Variants in EPS15L1 observed in about 807,000 individuals in gnomAD.
EPS15L1 encodes the protein epidermal growth factor receptor pathway substrate 15 like 1.
EPS15L1 carries 43 observed loss-of-function variants against 117.1 expected under a neutral mutation model. That is an observed-to-expected ratio of 0.37 (90% CI 0.29 to 0.47). The LOEUF (loss-of-function observed/expected upper bound fraction) is 0.47. Ranked by LOEUF, EPS15L1 falls within the 20% of genes least tolerant of loss-of-function variation. The pLI, the probability that EPS15L1 is intolerant of heterozygous loss-of-function variation, is 0.99. For missense variants in EPS15L1, 981 were observed against 1,164.0 expected (o/e 0.84, Z 2.29); for synonymous variants, 459 against 470.5 (o/e 0.98, Z 0.32).
At chr19:16,364,441 C>T (rs2092104563) in intron 22 of EPS15L1, among the ~76,000 whole-genome samples, 1 of 152,196 alleles carries the variant, frequency 6.6e-6, no homozygotes, top group Non-Finnish European at 1.5e-5. Context: ...GTCCCTCCCA[C>T]CTTCAGCTCT....
intron 1 of EPS15L1, among the ~76,000 whole-genome samples, chr19:16,466,620 G>C (rs1189260809): frequency 6.6e-6 from 1 of 152,110 alleles, no homozygotes. Flanking sequence ...GCAGGCATGA[G>C]GGCCAGGCGC....
chr19:16,362,511 CTTTTTT>C (rs71178690), intron 22 of EPS15L1, among the ~76,000 whole-genome samples: 10 of 56,068 alleles, frequency 1.8e-4, no homozygotes, highest in African/African-American at 5.3e-4. Context: ...GGTTTAAGTT[CTTTTTT>C]TTTTTTTTTT....
Position 16,428,208 on chromosome 19 carries a change from A to AAAAG in EPS15L1, c.558+490_558+493dup, listed in dbSNP as rs575991675. Among the ~76,000 whole-genome samples, 646 of 149,126 alleles carry AAAAG rather than the reference A, an allele frequency of 4.3e-3. 3 individuals carry two copies. The highest frequency in any genetic ancestry group is 0.013 in the African/African-American group (545 of 40,432). On this transcript the variant is annotated intron_variant, in intron 8 of 23. Transcript: ENST00000455140. Reference sequence around the variant, plus strand: ...AGAGCAAGACTCCGTATCAAAAAAAAAAAGAAAGAAAGAAAGAAAGAAGGC... The same window carrying AAAAG: ...AGAGCAAGACTCCGTATCAAAAAAAAAAAGAAAGAAAGAAAGAAAGAAAGAAGGC...
chr19:16,421,413 T>C lies in EPS15L1; in HGVS notation c.856A>G (p.Thr286Ala). The change falls in exon 10 of 24, where the codon ACC (threonine) becomes GCC (alanine). Residue 286 changes from threonine (T) to alanine (A), a missense_variant. By Grantham distance (58) the Thr-to-Ala change is moderately conservative (BLOSUM62 0). Coordinates refer to ENST00000455140, the MANE Select transcript of EPS15L1 (RefSeq NM_001258374.3). ...KMRFDEIFLK[T>A]DLDLDGYVSG... ...ACGTAGCCATCCAGGTCCAGGTCGG[T>C]CTTCAGGAATATCTCATCAAATCGC... 6.2e-7 allele frequency: 1 copy of C among 1,614,106 alleles called. No homozygotes were observed. The highest frequency in any genetic ancestry group is 8.5e-7 in the Non-Finnish European group (1 of 1,179,976).
chr19:16,369,995 G>A (rs1290340452), intron 22 of EPS15L1, among the ~76,000 whole-genome samples: 2 of 152,136 alleles, frequency 1.3e-5, no homozygotes, highest in Admixed American at 6.5e-5. Context: ...TGCCAATGTC[G>A]CAGACGCCAC....
intron 1 of EPS15L1, among the ~76,000 whole-genome samples, chr19:16,466,955 G>T (rs1354127546): frequency 6.6e-6 from 1 of 151,724 alleles, no homozygotes; most frequent in African/African-American, 2.4e-5. Flanking sequence ...ACACGGCAGG[G>T]TCCTGACACT....
At chr19:16,391,684 C>A (rs1329175559) in intron 19 of EPS15L1, among the ~76,000 whole-genome samples, 1 of 149,504 alleles carries the variant, frequency 6.7e-6, no homozygotes, top group Non-Finnish European at 1.5e-5. Context: ...ATCTCTTGGG[C>A]ATAATATGCA....
intron 7 of EPS15L1, among the ~76,000 whole-genome samples, chr19:16,431,055 A>G (rs966981578): frequency 1.3e-5 from 2 of 151,906 alleles, no homozygotes; most frequent in Non-Finnish European, 2.9e-5. Context: ...CCTGGCCAAC[A>G]TGGTGAAACC....
rs762685438 is a variant in EPS15L1, at chr19:16,360,830, GC to G, written c.2586+948del. Among the ~76,000 whole-genome samples, 8 of 152,264 alleles carry G rather than the reference GC, an allele frequency of 5.3e-5. No individual in the cohort carries two copies. In the East Asian group the frequency reaches 1.3e-3, roughly 26 times the overall value. On this transcript the variant is annotated intron_variant, in intron 23 of 23. Coordinates refer to ENST00000455140, the MANE Select transcript of EPS15L1 (RefSeq NM_001258374.3). The stretch of plus-strand genomic sequence containing the variant: ...AAGACGGCTCAGAAACAAATCGGGT[GC>G]TTTCTGTGCATTGACATGGCAGGGC...
intron 16 of EPS15L1, chr19:16,402,015 C>A: frequency 8.9e-7 from 1 of 1,125,808 alleles, no homozygotes; most frequent in Non-Finnish European, 1.1e-6. Flanking sequence ...GTTTGAGAAG[C>A]CCTCTGAACT....
chr19:16,425,268 C>T lies in EPS15L1; in HGVS notation c.607G>A (p.Ala203Thr), dbSNP rs761813050. The change falls in exon 9 of 24, where the codon GCC becomes ACC. Residue 203 changes from alanine to threonine, a missense_variant. Physicochemically the swap from Ala to Thr is moderately conservative, Grantham distance 58 (BLOSUM62 0). Coordinates refer to ENST00000455140, the MANE Select transcript of EPS15L1 (RefSeq NM_001258374.3). ...RALEKEPVPS[A>T]LPPSLIPPSK... ...GGTGGGATGAGGGACGGGGGCAGGG[C>T]GGAGGGCACGGGCTCCTTCTCCAGG... The T allele has an allele frequency of 8.1e-5, 81 of 995,768 alleles. No homozygotes were observed. The highest frequency in any genetic ancestry group is 3.3e-4 in the South Asian group (26 of 79,114). The allele number at this position is 995,768 out of a possible 1,614,324, so 61.7% of individuals were successfully genotyped here.
At chr19:16,411,615 T>C (rs569001708) in intron 13 of EPS15L1, among the ~76,000 whole-genome samples, 1 of 152,206 alleles carries the variant, frequency 6.6e-6, no homozygotes, top group Non-Finnish European at 1.5e-5. Flanking sequence ...GTATTAAAAT[T>C]TGCAGATGCT....
At chr19:16,431,633 A>G (rs1368539279) in intron 7 of EPS15L1, among the ~76,000 whole-genome samples, 1 of 152,170 alleles carries the variant, frequency 6.6e-6, no homozygotes, top group Non-Finnish European at 1.5e-5. Context: ...TCAACAGCAC[A>G]ACAGGGGAAC....
chr19:16,386,009 G>A (rs1017579686), intron 20 of EPS15L1, among the ~76,000 whole-genome samples, 162 bp downstream of exon 20: 3 of 152,248 alleles, frequency 2.0e-5, no homozygotes, highest in Non-Finnish European at 4.4e-5. Context: ...AGCAGCGGGT[G>A]CTTGTTTTGG....
intron 13 of EPS15L1, among the ~76,000 whole-genome samples, chr19:16,407,031 C>T (rs545010647): frequency 4.3e-4 from 65 of 152,234 alleles, no homozygotes; most frequent in Non-Finnish European, 8.5e-4. Context: ...CCTCACCAGA[C>T]GCTGAATCTG....
At chr19:16,396,476 C>T (rs765797931) in intron 16 of EPS15L1, among the ~76,000 whole-genome samples, 1 of 152,106 alleles carries the variant, frequency 6.6e-6, no homozygotes, top group Non-Finnish European at 1.5e-5. Flanking sequence ...GTTGCCAGGG[C>T]TGGTTTTGAA....
intron 16 of EPS15L1, among the ~76,000 whole-genome samples, chr19:16,396,371 C>G (rs1260159666): frequency 3.9e-5 from 6 of 152,174 alleles, no homozygotes; most frequent in African/African-American, 7.2e-5. Context: ...AAGTGATCCT[C>G]CCACGTCGGT....
chr19:16,400,512 G>A (rs536430820), intron 16 of EPS15L1: 38 of 418,594 alleles, frequency 9.1e-5, no homozygotes, highest in Non-Finnish European at 1.2e-4. Flanking sequence ...CCCCAACTTC[G>A]ACCCACAAGG....
At chr19:16,406,824 G>A (rs985337915) in intron 13 of EPS15L1, among the ~76,000 whole-genome samples, 15 of 152,264 alleles carry the variant, frequency 9.9e-5, no homozygotes, top group Admixed American at 3.9e-4. Flanking sequence ...GCCACATGCC[G>A]TGTACTGAAT....
Sources: gnomAD v4.1 joint callset for allele counts (sites outside exome capture counted in the v4.1 genomes callset) on GRCh38, gnomAD v4.1.1 for gene constraint, MANE v1.5 for transcripts, NCBI Gene and HGNC (gene_info 2026-07-23, HGNC 2026-07-21) for gene names.